The following HIVEP3 variants were observed in gnomAD, a reference collection of about 807,000 sequenced individuals.
HIVEP3 encodes the protein HIVEP zinc finger 3.
A neutral mutation model predicts 152.8 loss-of-function variants in HIVEP3; 49 were observed. The observed-to-expected ratio is 0.32, with a 90% confidence interval of 0.26 to 0.41. The LOEUF is 0.41. HIVEP3 is among the 10% of genes least tolerant of loss of function. HIVEP3 has a pLI of 1.00. For missense variants in HIVEP3, 2,790 were observed against 3,103.3 expected (o/e 0.90, Z 2.40); for synonymous variants, 1,269 against 1,289.0 (o/e 0.98, Z 0.33).
intron 5 of HIVEP3, among the ~76,000 whole-genome samples, chr1:41,559,074 A>G (rs1349074286): frequency 6.6e-6 from 1 of 151,954 alleles, no homozygotes; most frequent in African/African-American, 2.4e-5. Context: ...ACTCATGTCA[A>G]CAGATGACCC....
intron 1 of HIVEP3, among the ~76,000 whole-genome samples, chr1:41,853,175 C>T (rs1643651765): frequency 6.6e-6 from 1 of 152,186 alleles, no homozygotes; most frequent in South Asian, 2.1e-4. Context: ...GGATCAGAGG[C>T]AAATTCTTGG....
At chr1:41,849,125 C>T (rs1643523684) in intron 1 of HIVEP3, 1 of 152,260 alleles carries the variant, frequency 6.6e-6, no homozygotes, top group South Asian at 2.1e-4. Context: ...CGGGGCAGTC[C>T]TGGGTGATCT....
At chr1:42,005,559 A>C (rs1441806479) in intron 1 of HIVEP3, among the ~76,000 whole-genome samples, 2 of 152,192 alleles carry the variant, frequency 1.3e-5, no homozygotes, top group Non-Finnish European at 2.9e-5. Context: ...CTACCTTTAT[A>C]AACTGGAGAG....
chr1:41,662,244 G>C lies in HIVEP3; in HGVS notation c.-720-33297C>G, dbSNP rs1300183920. On this transcript the variant is annotated intron_variant, in intron 2 of 8. Coordinates refer to ENST00000372583, the MANE Select transcript of HIVEP3 (RefSeq NM_024503.5). The surrounding 1 kb of genome is among the most constrained non-coding windows in gnomAD (Gnocchi z 7.2). ...GCGGCTCGGCAGCGCCCGCGCGCTC[G>C]GCTCCGCCCGGCTCGGCTCCGCCCG... The C allele has an allele frequency of 6.9e-6, 1 of 145,626 alleles. No individual in the cohort carries two copies. Among genetic ancestry groups the C allele is most frequent in the African/African-American group, 2.5e-5 (1 of 40,686 alleles). 9.0% of individuals were successfully genotyped at this position (145,626 alleles called of 1,614,324 possible). A position where few individuals can be genotyped will look rare whatever the true frequency, so the allele number is the denominator to read the frequency against.
intron 8 of HIVEP3, 101 bp downstream of exon 8, chr1:41,512,715 A>C: frequency 3.3e-6 from 3 of 919,390 alleles, no homozygotes; most frequent in Non-Finnish European, 4.8e-6. Flanking sequence ...CTGAGCTGGC[A>C]GAGCTGTTTA....
At chr1:41,937,398 C>A (rs1458354915) in intron 1 of HIVEP3, among the ~76,000 whole-genome samples, 1 of 152,100 alleles carries the variant, frequency 6.6e-6, no homozygotes, top group Non-Finnish European at 1.5e-5. Context: ...AACTTTTGCT[C>A]AGACTTCTAG....
intron 1 of HIVEP3, among the ~76,000 whole-genome samples, chr1:41,715,187 G>A (rs181531640): frequency 3.3e-5 from 5 of 152,300 alleles, no homozygotes; most frequent in Non-Finnish European, 4.4e-5. Context: ...TCTTCTCTCC[G>A]ACCTGGGAGC....
chr1:41,711,258 C>G (rs1229889081), intron 1 of HIVEP3, among the ~76,000 whole-genome samples: 2 of 152,200 alleles, frequency 1.3e-5, no homozygotes, highest in African/African-American at 4.8e-5. Context: ...GCAGAGGGTA[C>G]GGGGAGGCCA....
chr1:41,513,625 C>G lies in HIVEP3; in HGVS notation c.5596G>C (p.Asp1866His). 1 of 1,613,978 alleles carries G rather than the reference C, an allele frequency of 6.2e-7. No individual in the cohort carries two copies. Among genetic ancestry groups the G allele is most frequent in the Non-Finnish European group, 8.5e-7 (1 of 1,180,002 alleles). ...DSDLDEDEDE[D>H]EEESQDELSR... is the part of the protein sequence containing the mutation. The stretch of plus-strand genomic sequence containing the variant: ...AGCTCATCCTGGCTCTCCTCCTCAT[C>G]CTCATCCTCGTCTTCGTCCAGGTCT... Residue 1866 changes from aspartate (D) to histidine (H), a missense_variant, in exon 8 of 9, where the codon GAT becomes CAT. Transcript: ENST00000372583.
rs1192491701 is a variant in HIVEP3 at position 41,792,269 on chromosome 1, A to AG, written c.-800-91275dup. 3.9e-5 allele frequency among the ~76,000 whole-genome samples: 6 copies of AG among 152,314 alleles called. No homozygotes were observed. In the East Asian group the frequency reaches 1.2e-3, roughly 29 times the overall value. On this transcript the variant is annotated intron_variant, in intron 1 of 8. Transcript: ENST00000372583. The stretch of plus-strand genomic sequence containing the variant: ...AGGTTTCATCTGGGATTCTGGCCCA[A>AG]GGGGCAGGGCTATGTCCTTGGGAGA...
rs1421508220 is a variant in HIVEP3, at chr1:41,533,746, C to A, written c.5208-8836G>T. ...AGCCTCCGACCTGCACTCTTCTCAC[C>A]ACACACCTTCCCCAGGTGACCCTCC... On this transcript the variant is annotated intron_variant, in intron 5 of 8. Transcript: ENST00000372583. This position sits in a 1 kb window ranked among gnomAD's most constrained non-coding sequence, Gnocchi z 4.3. 6.6e-6 allele frequency among the ~76,000 whole-genome samples: 1 copy of A among 151,996 alleles called. No individual in the cohort carries two copies. The highest frequency in any genetic ancestry group is 1.5e-5 in the Non-Finnish European group (1 of 67,996).
chr1:41,694,026 G>A (rs1474105563), intron 2 of HIVEP3, among the ~76,000 whole-genome samples: 2 of 152,014 alleles, frequency 1.3e-5, no homozygotes, highest in Admixed American at 1.3e-4. Context: ...TTTTTTTCTA[G>A]GCCATTCATC....
At chr1:41,717,037 A>T (rs903178243) in intron 1 of HIVEP3, among the ~76,000 whole-genome samples, 1 of 152,106 alleles carries the variant, frequency 6.6e-6, no homozygotes, top group Non-Finnish European at 1.5e-5. Flanking sequence ...TCTTTTGGGG[A>T]GAGCTGGTTG....
At chr1:41,843,643 G>A (rs902042945) in intron 1 of HIVEP3, among the ~76,000 whole-genome samples, 1 of 151,898 alleles carries the variant, frequency 6.6e-6, no homozygotes, top group South Asian at 2.1e-4. Flanking sequence ...TACAGCCAAC[G>A]TGACTCACCC....
At chr1:41,898,069 C>T (rs1644563053) in intron 1 of HIVEP3, among the ~76,000 whole-genome samples, 1 of 152,160 alleles carries the variant, frequency 6.6e-6, no homozygotes, top group Admixed American at 6.5e-5. Context: ...ATTTTGCTCT[C>T]ACAGGGCCCC....
intron 1 of HIVEP3, among the ~76,000 whole-genome samples, chr1:41,971,785 A>G (rs1339203712): frequency 6.6e-6 from 1 of 152,136 alleles, no homozygotes; most frequent in Admixed American, 6.5e-5. Context: ...AACCCCCAAT[A>G]TAACAGTATT....
At chr1:41,620,073 G>C (rs1176862058) in intron 3 of HIVEP3, among the ~76,000 whole-genome samples, 1 of 152,196 alleles carries the variant, frequency 6.6e-6, no homozygotes, top group African/African-American at 2.4e-5. Context: ...TGGAAGGAAA[G>C]GGGGAAAGGT....
chr1:41,845,404 TACACACACACACACGCACACACACAC>T (rs1002181265), intron 1 of HIVEP3, among the ~76,000 whole-genome samples: 1 of 119,298 alleles, frequency 8.4e-6, no homozygotes, highest in African/African-American at 3.6e-5. Context: ...ACACCTCCTA[TACACACACACACACGCACACACACAC>T]ACACACACAC....
intron 2 of HIVEP3, among the ~76,000 whole-genome samples, chr1:41,672,769 C>G (rs1294751008): frequency 2.6e-5 from 4 of 152,126 alleles, no homozygotes; most frequent in Non-Finnish European, 4.4e-5. Flanking sequence ...CTGGCCAGTT[C>G]AGGTGGGGAG....
Sources: allele counts gnomAD v4.1 joint callset (sites outside exome capture counted in the v4.1 genomes callset), GRCh38; gene constraint gnomAD v4.1.1; non-coding constraint Gnocchi (gnomAD v3.1); transcripts MANE v1.5; gene names NCBI Gene and HGNC (gene_info 2026-07-23, HGNC 2026-07-21).